The following SIK3 variants were observed in gnomAD, a reference collection of about 807,000 sequenced individuals.
SIK3 encodes the protein serine/threonine-protein kinase SIK3.
A neutral mutation model predicts 144.2 loss-of-function variants in SIK3; 28 were observed. The observed-to-expected ratio is 0.19, with a 90% CI of 0.14 to 0.27. The LOEUF is 0.27. SIK3 is among the 10% of genes least tolerant of loss of function. The pLI is 1.00. For synonymous variants in SIK3, 686 were observed against 676.3 expected (o/e 1.01, Z -0.22); for missense variants, 1,319 against 1,776.0 (o/e 0.74, Z 4.62).
At chr11:117,066,669 G>C (rs920492911) in intron 1 of SIK3, among the ~76,000 whole-genome samples, 1 of 151,690 alleles carries the variant, frequency 6.6e-6, no homozygotes, top group Non-Finnish European at 1.5e-5. Flanking sequence ...CTGAATAGCT[G>C]GGACTAAAGG....
chr11:116,895,596 CTCTAAAATG>C (rs1945356394), intron 6 of SIK3, among the ~76,000 whole-genome samples: 1 of 151,324 alleles, frequency 6.6e-6, no homozygotes, highest in African/African-American at 2.4e-5. Context: ...TTTTTGCGTT[CTCTAAAATG>C]TTCCCTTCTT....
At chr11:116,859,891 C>T (rs185943367) in intron 19 of SIK3, among the ~76,000 whole-genome samples, 18 of 152,262 alleles carry the variant, frequency 1.2e-4, no homozygotes, top group South Asian at 4.1e-4. Flanking sequence ...TGGGGTAACT[C>T]GGATCTAGGC....
At chr11:116,848,933 C>T (rs753545770) in intron 22 of SIK3, among the ~76,000 whole-genome samples, 187 bp downstream of exon 22, 7 of 152,002 alleles carry the variant, frequency 4.6e-5, no homozygotes, top group Admixed American at 2.0e-4. Context: ...ACTGTCCTCC[C>T]GCCTGGGCGA....
chr11:116,996,106 G>A (rs985612799), intron 1 of SIK3, among the ~76,000 whole-genome samples: 3 of 152,068 alleles, frequency 2.0e-5, no homozygotes, highest in African/African-American at 4.8e-5. Flanking sequence ...CCAGGAGTTC[G>A]AGACCTGCCT....
intron 1 of SIK3, among the ~76,000 whole-genome samples, chr11:117,013,959 C>T (rs978630382): frequency 0.041 from 327 of 7,954 alleles, no homozygotes; most frequent in Non-Finnish European, 0.055. Context: ...TGTTTTATTT[C>T]TTTTTTTCTT....
intron 1 of SIK3, among the ~76,000 whole-genome samples, chr11:117,003,340 T>C (rs1012501320): frequency 1.3e-5 from 2 of 152,214 alleles, no homozygotes; most frequent in African/African-American, 4.8e-5. Context: ...CAGGCAGATC[T>C]GGTTTGGAAT....
At chr11:117,021,006 A>C (rs1565564619) in intron 1 of SIK3, among the ~76,000 whole-genome samples, 2 of 152,186 alleles carry the variant, frequency 1.3e-5, no homozygotes, top group Non-Finnish European at 2.9e-5. Context: ...GTGAGATCTG[A>C]CGCTATCTCC....
intron 1 of SIK3, among the ~76,000 whole-genome samples, chr11:116,966,196 G>A (rs528830333): frequency 3.3e-5 from 5 of 152,020 alleles, no homozygotes; most frequent in East Asian, 1.9e-4. Flanking sequence ...GTTCGAGACC[G>A]GCCTGGGCAA....
At chr11:117,037,770 T>C (rs1029806597) in intron 1 of SIK3, among the ~76,000 whole-genome samples, 27 of 149,160 alleles carry the variant, frequency 1.8e-4, no homozygotes, top group African/African-American at 6.6e-4. Flanking sequence ...AAAAAAGAGA[T>C]GATAATCCAG....
rs766959240 is a variant in SIK3 at position 116,859,327 on chromosome 11, G to C, written c.2703C>G (p.Thr901=). The C allele has an allele frequency of 1.9e-6, 3 of 1,613,914 alleles. No individual in the cohort carries two copies. The South Asian group carries it at 3.3e-5, about 18-fold the overall frequency. ...QMQHRTNLMA[T]LSYGHRPLSK... ...ACAAGGGACGGTGCCCATAGCTGAGGGTGGCCATCAGGTTGGTACGGTGCT... is the reference window on the plus strand; with the variant it reads ...ACAAGGGACGGTGCCCATAGCTGAGCGTGGCCATCAGGTTGGTACGGTGCT... Residue 901 remains threonine (T), a synonymous_variant, in exon 20 of 25, where the codon ACC becomes ACG. Coordinates refer to ENST00000445177, the MANE Select transcript of SIK3 (RefSeq NM_001366686.3).
intron 1 of SIK3, among the ~76,000 whole-genome samples, chr11:117,086,568 G>A (rs539215373): frequency 1.3e-5 from 2 of 151,986 alleles, no homozygotes; most frequent in African/African-American, 2.4e-5. Flanking sequence ...GTGGGCGCCC[G>A]TAGTCCCAGC....
At chr11:116,933,311 T>C (rs1204136616) in intron 3 of SIK3, among the ~76,000 whole-genome samples, 1 of 152,100 alleles carries the variant, frequency 6.6e-6, no homozygotes, top group East Asian at 1.9e-4. Context: ...CGGCTAATTT[T>C]TGCATTTTTA....
chr11:117,085,694 T>C (rs1434346899), intron 1 of SIK3, among the ~76,000 whole-genome samples: 2 of 152,172 alleles, frequency 1.3e-5, no homozygotes, highest in South Asian at 2.1e-4. Context: ...TTTAAAAGAG[T>C]AATGCATGAG....
chr11:117,027,871 C>T (rs1303390154), intron 1 of SIK3, among the ~76,000 whole-genome samples: 1 of 152,148 alleles, frequency 6.6e-6, no homozygotes, highest in Non-Finnish European at 1.5e-5. Context: ...CAATGGCAAC[C>T]AAATTATAGC....
In SIK3 at chr11:117,074,922, G is replaced by A. The variant is rs1363662159; in HGVS notation, c.273+23221C>T. On this transcript the variant is annotated intron_variant, in intron 1 of 24. Coordinates refer to ENST00000445177, the MANE Select transcript of SIK3 (RefSeq NM_001366686.3). ...AGCCTGGGTGACAGAGAGAGACTCC[G>A]TCTCAAAACAAAAAAAAAAAACAAC... Among the ~76,000 whole-genome samples, 21 of 139,956 alleles carry A rather than the reference G, an allele frequency of 1.5e-4. No individual in the cohort carries two copies. The East Asian group carries it at 1.7e-3, about 11-fold the overall frequency. 91.8% of individuals were successfully genotyped at this position (139,956 alleles called of 152,430 possible). A position where few individuals can be genotyped will look rare whatever the true frequency, so the allele number is the denominator to read the frequency against.
intron 1 of SIK3, among the ~76,000 whole-genome samples, chr11:117,084,919 A>C (rs959530421): frequency 6.6e-6 from 1 of 152,172 alleles, no homozygotes; most frequent in Non-Finnish European, 1.5e-5. Context: ...TGGAAACAAA[A>C]TTAAGGAACT....
intron 1 of SIK3, among the ~76,000 whole-genome samples, chr11:117,077,766 G>C (rs1954616502): frequency 6.6e-6 from 1 of 152,130 alleles, no homozygotes; most frequent in Admixed American, 6.5e-5. Flanking sequence ...TCTACCCAGA[G>C]AAAATGTGCA....
At chr11:116,883,751 T>C (rs1164625544) in intron 6 of SIK3, among the ~76,000 whole-genome samples, 1 of 151,998 alleles carries the variant, frequency 6.6e-6, no homozygotes, top group East Asian at 1.9e-4. Context: ...CTGGCCAACA[T>C]GGTGAAACAC....
intron 1 of SIK3, among the ~76,000 whole-genome samples, chr11:117,026,870 A>C (rs1321213722): frequency 6.6e-6 from 1 of 152,198 alleles, no homozygotes; most frequent in Non-Finnish European, 1.5e-5. Context: ...AAAACAGTGA[A>C]ATTAAGAAAC....
Sources: allele counts gnomAD v4.1 joint callset (sites outside exome capture counted in the v4.1 genomes callset), GRCh38; gene constraint gnomAD v4.1.1; transcripts MANE v1.5; gene names NCBI Gene and HGNC (gene_info 2026-07-23, HGNC 2026-07-21).